The following PADI1 variants were observed in gnomAD, a reference collection of about 807,000 sequenced individuals.
The protein encoded by PADI1 is protein-arginine deiminase type-1.
PADI1 carries 65 observed loss-of-function variants against 74.8 expected under a neutral mutation model. That is an observed-to-expected ratio of 0.87 (90% CI 0.71 to 1.07). PADI1 has a LOEUF of 1.07. Ranked by LOEUF, PADI1 falls within the 50% of genes least tolerant of loss-of-function variation. The pLI, the probability that PADI1 is intolerant of heterozygous loss-of-function variation, is 0.00. For synonymous variants in PADI1, 371 were observed against 336.2 expected (o/e 1.10, Z -1.13); for missense variants, 943 against 854.0 (o/e 1.10, Z -1.30).
intron 1 of PADI1, among the ~76,000 whole-genome samples, chr1:17,212,365 C>A (rs2071855583): frequency 6.6e-6 from 1 of 152,104 alleles, no homozygotes; most frequent in Admixed American, 6.5e-5. Context: ...CTGCCTGATT[C>A]TCCCCCTCCT....
At chr1:17,221,537 G>C (rs1464498140) in intron 1 of PADI1, among the ~76,000 whole-genome samples, 2 of 151,952 alleles carry the variant, frequency 1.3e-5, no homozygotes, top group East Asian at 3.9e-4. Context: ...GGAAAGGTGG[G>C]CAAGGTGCAG....
intron 9 of PADI1, 83 bp from the exon 10 acceptor site, chr1:17,230,489 T>TACCCC (rs1456757980): frequency 1.0e-6 from 1 of 966,498 alleles, no homozygotes; most frequent in East Asian, 2.5e-5. Flanking sequence ...TGCCCTGCCC[T>TACCCC]GCCCCAGGCC....
intron 2 of PADI1, among the ~76,000 whole-genome samples, chr1:17,223,268 G>A (rs1464477592): frequency 1.3e-5 from 2 of 152,166 alleles, no homozygotes; most frequent in Non-Finnish European, 2.9e-5. Flanking sequence ...AACTACCCGA[G>A]GCTTAGAGGA....
chr1:17,231,558 T>C (rs184116092), intron 10 of PADI1, among the ~76,000 whole-genome samples: 127 of 152,250 alleles, frequency 8.3e-4, no homozygotes, highest in Non-Finnish European at 1.3e-3. Context: ...ATGAACCCTG[T>C]AGGTGAGTGC....
chr1:17,222,920 C>A (rs1348621993), intron 2 of PADI1, among the ~76,000 whole-genome samples: 3 of 152,248 alleles, frequency 2.0e-5, no homozygotes, highest in Non-Finnish European at 4.4e-5. Context: ...CTGCCCGAAG[C>A]TCAGACGAGT....
chr1:17,225,453 CTCATCAAGG>C (rs2100460517), intron 4 of PADI1, among the ~76,000 whole-genome samples: 1 of 152,324 alleles, frequency 6.6e-6, no homozygotes, highest in South Asian at 2.1e-4. Flanking sequence ...GATCCCGACC[CTCATCAAGG>C]TCATGGCAGG....
At chr1:17,224,336 C>T in intron 3 of PADI1, 31 bp from the exon 4 acceptor site, 2 of 1,598,476 alleles carry the variant, frequency 1.3e-6, no homozygotes, top group Non-Finnish European at 1.7e-6. Context: ...GCTGGATGAG[C>T]CCCTGGCAGC....
At position 17,225,891 on chromosome 1, in the gene PADI1, G is replaced by A. The variant is rs878932730; in HGVS notation, c.489G>A (p.Glu163=). The stretch of plus-strand genomic sequence containing the variant: ...ACCGGGACAATCACAGGTCCGCAGA[G>A]CCTGACCTCACCCACAGCTGGCTGA... The part of the protein sequence containing the change: ...NCDRDNHRSA[E]PDLTHSWLMS... The change falls in exon 5 of 16, where the codon GAG becomes GAA. Residue 163 remains glutamate, a synonymous_variant. Coordinates refer to ENST00000375471, the MANE Select transcript of PADI1 (RefSeq NM_013358.3). 1.9e-6 allele frequency: 3 copies of A among 1,614,092 alleles called. No homozygotes were observed. The highest frequency in any genetic ancestry group is 3.3e-5 in the Admixed American group (2 of 60,018).
rs188501041 is a variant in PADI1 at position 17,226,768 on chromosome 1, G to A, written c.652+610G>A. Among the ~76,000 whole-genome samples the A allele has an allele frequency of 9.2e-5, 14 of 152,216 alleles. No homozygotes were observed. In the East Asian group the frequency reaches 2.7e-3, roughly 29 times the overall value. On this transcript the variant is annotated intron_variant, in intron 6 of 15. Coordinates refer to ENST00000375471, the MANE Select transcript of PADI1 (RefSeq NM_013358.3). ...GTCTCTATTAAAAATACAAAAATTAGGCCGGGCACGGTGGCTCACACCTGT... is the reference window on the plus strand; with the variant it reads ...GTCTCTATTAAAAATACAAAAATTAAGCCGGGCACGGTGGCTCACACCTGT...
intron 1 of PADI1, among the ~76,000 whole-genome samples, chr1:17,216,855 G>A (rs535233469): frequency 1.3e-5 from 2 of 152,224 alleles, no homozygotes; most frequent in African/African-American, 2.4e-5. Context: ...GGGTGACAGA[G>A]CACGACGTTG....
intron 1 of PADI1, among the ~76,000 whole-genome samples, chr1:17,209,533 C>T (rs1470395201): frequency 6.6e-6 from 1 of 152,202 alleles, no homozygotes; most frequent in Admixed American, 6.5e-5. Context: ...TCCCTGCTCC[C>T]CTGGGTCCTA....
chr1:17,236,526 G>T (rs1164288675), intron 11 of PADI1, among the ~76,000 whole-genome samples: 2 of 152,170 alleles, frequency 1.3e-5, no homozygotes, highest in African/African-American at 2.4e-5. Flanking sequence ...AGGCCGAGGT[G>T]GGGGGGTCGC....
intron 12 of PADI1, 88 bp downstream of exon 12, chr1:17,237,546 C>T: frequency 7.7e-7 from 1 of 1,302,436 alleles, no homozygotes. Flanking sequence ...GGAACCAGCT[C>T]AACCCTGTGC....
chr1:17,223,522 G>A (rs1227925773), intron 2 of PADI1, 99 bp from the exon 3 acceptor site: 2 of 966,740 alleles, frequency 2.1e-6, no homozygotes, highest in East Asian at 2.4e-5. Flanking sequence ...CAGGCCTCCT[G>A]TGCCTCTAAG....
At chr1:17,236,984 C>T (rs903815383) in intron 11 of PADI1, among the ~76,000 whole-genome samples, 4 of 152,090 alleles carry the variant, frequency 2.6e-5, no homozygotes, top group South Asian at 2.1e-4. Flanking sequence ...CAAGGAGGGG[C>T]GCAGTGGGGA....
intron 11 of PADI1, among the ~76,000 whole-genome samples, chr1:17,236,860 G>T (rs544701531): frequency 2.6e-4 from 39 of 152,326 alleles, no homozygotes; most frequent in Non-Finnish European, 4.6e-4. Flanking sequence ...TAAAGATGTG[G>T]CTACTTAGGA....
Position 17,237,413 on chromosome 1 carries a change from C to T in PADI1, c.1413C>T (p.Gly471=). Residue 471 remains glycine (G), a synonymous_variant, in exon 12 of 16, where the codon GGC becomes GGT. Transcript: ENST00000375471. ...TCTACTCGGACTGGCTCTCTGTGGG[C>T]CATGTGGACGAGTTTCTGACCTTTG... ...VELYSDWLSV[G]HVDEFLTFVP... 6.2e-7 allele frequency: 1 copy of T among 1,613,568 alleles called. No individual in the cohort carries two copies. Among genetic ancestry groups the T allele is most frequent in the South Asian group, 1.1e-5 (1 of 91,010 alleles).
rs76402181 is a variant in PADI1 at position 17,222,747 on chromosome 1, C to T, written c.273+277C>T. Among the ~76,000 whole-genome samples the T allele has an allele frequency of 7.0e-4, 106 of 152,306 alleles. 2 individuals are homozygous for T. In the East Asian group the frequency reaches 0.013, roughly 19 times the overall value. On this transcript the variant is annotated intron_variant, in intron 2 of 15. Transcript: ENST00000375471. ...CCCCTCAGATTCACAGACAACTTCA[C>T]ATTAATCCCTGTATTCAGCCCACAC...
intron 1 of PADI1, among the ~76,000 whole-genome samples, chr1:17,212,428 G>GGCCC (rs2071858471): frequency 7.7e-6 from 1 of 130,690 alleles, no homozygotes; most frequent in Non-Finnish European, 1.6e-5. Flanking sequence ...AGAGCACATT[G>GGCCC]GCCCCCACCC....
Sources: gnomAD v4.1 joint callset for allele counts (sites outside exome capture counted in the v4.1 genomes callset) on GRCh38, gnomAD v4.1.1 for gene constraint, MANE v1.5 for transcripts, NCBI Gene and HGNC (gene_info 2026-07-23, HGNC 2026-07-21) for gene names.